CMIP: variants seen among roughly 807,000 people sequenced by gnomAD.
The protein encoded by CMIP is C-Maf-inducing protein.
In CMIP, 13 loss-of-function variants were observed where a neutral mutation model predicts 97.3. The ratio of observed to expected loss-of-function variants is 0.13; its 90% CI spans 0.09 to 0.21. The LOEUF (loss-of-function observed/expected upper bound fraction) is 0.21. CMIP is among the 10% of genes least tolerant of loss of function. CMIP has a pLI of 1.00. For synonymous variants in CMIP, 538 were observed against 436.3 expected (o/e 1.23, Z -2.91); for missense variants, 847 against 1,024.9 (o/e 0.83, Z 2.37).
rs1905749497 is a variant in CMIP at position 81,445,196 on chromosome 16, G to A, written c.-46G>A. The A allele has an allele frequency of 1.5e-6, 2 of 1,365,118 alleles. No homozygotes were observed. Among genetic ancestry groups the A allele is most frequent in the South Asian group, 2.8e-5 (2 of 70,504 alleles). 84.6% of individuals were successfully genotyped at this position (1,365,118 alleles called of 1,614,324 possible). ...GGGGCCCCGCCGCCCCAGCAGCCCA[G>A]GACAGCCCCCTCTCCCCGCCCCCAG... is the stretch of plus-strand genomic sequence containing the variant. On this transcript the variant is annotated 5_prime_UTR_variant, in exon 1 of 21. Transcript: ENST00000537098.
rs768791287 is a variant in CMIP, at chr16:81,445,433, C to T, written c.192C>T (p.Val64=). Residue 64 remains valine (V), a synonymous_variant, in exon 1 of 21, where the codon GTC becomes GTT. Transcript: ENST00000537098. ...LLQEGDIQVC[V]IRHPRTFLSK... Reference sequence around the variant, plus strand: ...AGGAGGGCGACATTCAGGTCTGTGTCATCCGGCACCCGCGGACCTTTCTCA... The same window carrying T: ...AGGAGGGCGACATTCAGGTCTGTGTTATCCGGCACCCGCGGACCTTTCTCA... The T allele has an allele frequency of 7.8e-5, 124 of 1,592,442 alleles. No individual in the cohort carries two copies. The South Asian group carries it at 1.3e-3, about 17-fold the overall frequency.
chr16:81,471,712 C>G (rs774985953), intron 1 of CMIP, among the ~76,000 whole-genome samples: 13 of 152,164 alleles, frequency 8.5e-5, no homozygotes, highest in Non-Finnish European at 1.8e-4. Flanking sequence ...CGCGTACATA[C>G]TGGTGATAAA....
chr16:81,668,890 T>A (rs919019770), intron 7 of CMIP, among the ~76,000 whole-genome samples: 2 of 48,248 alleles, frequency 4.1e-5, no homozygotes, highest in East Asian at 3.2e-3. Context: ...TTGCCTTCCG[T>A]ACCCACCTCA....
chr16:81,538,520 A>G (rs914238975), intron 1 of CMIP, among the ~76,000 whole-genome samples: 3 of 152,244 alleles, frequency 2.0e-5, no homozygotes, highest in Non-Finnish European at 4.4e-5. Context: ...CGAGCTGAGT[A>G]AGTTGATATC....
At chr16:81,567,168 G>C (rs1222342317) in intron 1 of CMIP, among the ~76,000 whole-genome samples, 1 of 152,268 alleles carries the variant, frequency 6.6e-6, no homozygotes, top group African/African-American at 2.4e-5. Flanking sequence ...GGAGCCATGT[G>C]TCCGGCTGGG....
rs957548567 is a variant in CMIP at position 81,614,993 on chromosome 16, T to C, written c.427-5883T>C. ...TGATATGTGACGTGTGTGTGTGGTG[T>C]ATGTGTCTATATGTGATGTCTCTGT... On this transcript the variant is annotated intron_variant, in intron 2 of 20. Coordinates refer to ENST00000537098, the MANE Select transcript of CMIP (RefSeq NM_198390.3). This position sits in a 1 kb window ranked among gnomAD's most constrained non-coding sequence, Gnocchi z 5.3. Among the ~76,000 whole-genome samples the C allele has an allele frequency of 5.3e-5, 8 of 150,488 alleles. No homozygotes were observed. Among genetic ancestry groups the C allele is most frequent in the African/African-American group, 2.0e-4 (8 of 40,864 alleles).
At chr16:81,508,869 G>C (rs945635619) in intron 1 of CMIP, among the ~76,000 whole-genome samples, 2 of 152,218 alleles carry the variant, frequency 1.3e-5, no homozygotes, top group Non-Finnish European at 2.9e-5. Context: ...TTTGTCAACT[G>C]TGCACTGGGG....
At chr16:81,573,424 C>CT (rs1265800501) in intron 1 of CMIP, among the ~76,000 whole-genome samples, 2 of 152,024 alleles carry the variant, frequency 1.3e-5, no homozygotes, top group Admixed American at 1.3e-4. Context: ...TGTGGGAACC[C>CT]TTTTAATAAG....
At chr16:81,586,824 C>G (rs1170416600) in intron 1 of CMIP, among the ~76,000 whole-genome samples, 3 of 152,140 alleles carry the variant, frequency 2.0e-5, no homozygotes, top group African/African-American at 7.2e-5. Flanking sequence ...GGGTTCTGGA[C>G]TATGTCACAC....
intron 1 of CMIP, among the ~76,000 whole-genome samples, chr16:81,469,144 A>G (rs1907378068): frequency 6.6e-6 from 1 of 152,228 alleles, no homozygotes; most frequent in Non-Finnish European, 1.5e-5. Flanking sequence ...TCTGTCCCTC[A>G]ACCTTTGACG....
chr16:81,568,024 A>AGTGTGTGTGT (rs555314806), intron 1 of CMIP, among the ~76,000 whole-genome samples: 5 of 111,538 alleles, frequency 4.5e-5, no homozygotes, highest in Admixed American at 1.9e-4. Context: ...TGAGCTTTTC[A>AGTGTGTGTGT]GTGTGTGTGT....
intron 1 of CMIP, among the ~76,000 whole-genome samples, chr16:81,560,442 TCTC>T (rs2090859653): frequency 6.6e-6 from 1 of 152,122 alleles, no homozygotes; most frequent in African/African-American, 2.4e-5. Flanking sequence ...ATGGTCTTGA[TCTC>T]CTGACCTCGT....
At chr16:81,527,264 G>C (rs1156541376) in intron 1 of CMIP, among the ~76,000 whole-genome samples, 1 of 152,164 alleles carries the variant, frequency 6.6e-6, no homozygotes, top group Admixed American at 6.5e-5. Flanking sequence ...GGTTGGCTGA[G>C]TGTGTAAGAG....
At chr16:81,685,511 GA>G (rs1555550393) in intron 10 of CMIP, among the ~76,000 whole-genome samples, 1 of 151,956 alleles carries the variant, frequency 6.6e-6, no homozygotes, top group Non-Finnish European at 1.5e-5. Context: ...TTTCTGCATG[GA>G]ATATGCTTTA....
At chr16:81,497,326 AC>A (rs2089509548) in intron 1 of CMIP, among the ~76,000 whole-genome samples, 1 of 152,036 alleles carries the variant, frequency 6.6e-6, no homozygotes, top group Non-Finnish European at 1.5e-5. Flanking sequence ...TCCACCAATA[AC>A]CCCTCATGGA....
At chr16:81,707,305 G>A (rs1908258739) in intron 20 of CMIP, among the ~76,000 whole-genome samples, 1 of 152,238 alleles carries the variant, frequency 6.6e-6, no homozygotes, top group South Asian at 2.1e-4. Flanking sequence ...ATCAGGGATG[G>A]TGCCTTTGAT....
At position 81,614,265 on chromosome 16, in the gene CMIP, C is replaced by T. The variant is rs1246904824; in HGVS notation, c.426+6573C>T. On this transcript the variant is annotated intron_variant, in intron 2 of 20. Coordinates refer to ENST00000537098, the MANE Select transcript of CMIP (RefSeq NM_198390.3). This position sits in a 1 kb window ranked among gnomAD's most constrained non-coding sequence, Gnocchi z 5.3. ...GGCAGGCCAGGTGCTGCCACAGTCA[C>T]CAGCGACCACGCATTCTAGGTGGCT... 6.6e-6 allele frequency among the ~76,000 whole-genome samples: 1 copy of T among 152,202 alleles called. No homozygotes were observed. The highest frequency in any genetic ancestry group is 2.4e-5 in the African/African-American group (1 of 41,428).
At chr16:81,706,401 G>A (rs966779240) in intron 19 of CMIP, among the ~76,000 whole-genome samples, 3 of 152,224 alleles carry the variant, frequency 2.0e-5, no homozygotes, top group South Asian at 4.1e-4. Flanking sequence ...GGAGGAGGTG[G>A]GAGCAGGTGA....
chr16:81,669,368 A>C (rs1052492822), intron 7 of CMIP, among the ~76,000 whole-genome samples: 1 of 35,902 alleles, frequency 2.8e-5, no homozygotes, highest in Admixed American at 3.4e-4. Context: ...TTCCACACCC[A>C]CCTCACCTTC....
Sources: gnomAD v4.1 joint callset for allele counts (sites outside exome capture counted in the v4.1 genomes callset) on GRCh38, gnomAD v4.1.1 for gene constraint, Gnocchi (gnomAD v3.1) non-coding constraint, MANE v1.5 for transcripts, NCBI Gene and HGNC (gene_info 2026-07-23, HGNC 2026-07-21) for gene names.